The following PLCG2 variants were observed in gnomAD, a reference collection of about 807,000 sequenced individuals.
PLCG2 encodes the protein 1-phosphatidylinositol 4,5-bisphosphate phosphodiesterase gamma-2.
In PLCG2, 69 loss-of-function variants were observed where a neutral mutation model predicts 175.6. That is an observed-to-expected ratio of 0.39 (90% CI 0.32 to 0.48). PLCG2 has a LOEUF of 0.48. Among genes scored for constraint, PLCG2 ranks in the 20% least tolerant of loss-of-function variants. PLCG2 has a pLI of 0.91. For synonymous variants in PLCG2, 827 were observed against 624.0 expected, an observed-to-expected ratio of 1.33 and a Z score of -4.85; for missense variants, 1,798 against 1,650.9, an observed-to-expected ratio of 1.09 and a Z score of -1.54.
At chr16:81,862,562 T>A (rs568721836) in intron 5 of PLCG2, among the ~76,000 whole-genome samples, 1 of 152,278 alleles carries the variant, frequency 6.6e-6, no homozygotes, top group East Asian at 1.9e-4. Context: ...TCCTTTTTTC[T>A]TTTTTCTTTT....
At chr16:81,918,839 C>G (rs1466310613) in intron 19 of PLCG2, among the ~76,000 whole-genome samples, 1 of 151,912 alleles carries the variant, frequency 6.6e-6, no homozygotes, top group East Asian at 1.9e-4. Context: ...GGAGGCTCTT[C>G]TGTTTTGGAT....
chr16:81,870,573 A>G (rs922105146), intron 6 of PLCG2, among the ~76,000 whole-genome samples: 4 of 152,160 alleles, frequency 2.6e-5, no homozygotes. Context: ...CTCTGTGAGT[A>G]TGTTTTCCCA....
intron 3 of PLCG2, chr16:81,857,971 G>T: frequency 2.5e-6 from 1 of 396,032 alleles, no homozygotes; most frequent in Non-Finnish European, 4.7e-6. Context: ...CAATGTCATA[G>T]TGATAGTTCC....
At chr16:81,744,989 A>G (rs1348070384) in intron 1 of PLCG2, among the ~76,000 whole-genome samples, 1 of 152,218 alleles carries the variant, frequency 6.6e-6, no homozygotes, top group Non-Finnish European at 1.5e-5. Context: ...GTCTCATCTT[A>G]ACTCCAACCC....
chr16:81,858,448 A>G lies in PLCG2; in HGVS notation c.431+92A>G, dbSNP rs990621733. 66 of 748,508 alleles carry G rather than the reference A, an allele frequency of 8.8e-5. 1 individual carries two copies. The African/African-American group carries it at 1.0e-3, about 12-fold the overall frequency. The allele number at this position is 748,508 out of a possible 1,614,324, so 46.4% of individuals were successfully genotyped here. On this transcript the variant is annotated intron_variant, in intron 4 of 32. Coordinates refer to ENST00000564138, the MANE Select transcript of PLCG2 (RefSeq NM_002661.5). ...ATGGGCTACAGGGGGGAAAAAAAAA[A>G]AAAGGGACATTGGTTTTTTGAGGCT...
chr16:81,847,202 A>G (rs959767079), intron 2 of PLCG2, among the ~76,000 whole-genome samples: 1 of 152,240 alleles, frequency 6.6e-6, no homozygotes, highest in African/African-American at 2.4e-5. Context: ...GATATTACAA[A>G]AGATAAAGAT....
At position 81,928,583 on chromosome 16, in the gene PLCG2, C is replaced by T. The variant is rs779400707; in HGVS notation, c.2540C>T (p.Ser847Phe). 2.5e-6 allele frequency: 4 copies of T among 1,607,866 alleles called. No individual in the cohort carries two copies. Among genetic ancestry groups the T allele is most frequent in the Non-Finnish European group, 8.5e-7 (1 of 1,174,412 alleles). Residue 847 changes from serine (S) to phenylalanine (F), a missense_variant, in exon 24 of 33, where the codon TCT (serine) becomes TTT (phenylalanine). Ser to Phe is a radical substitution (Grantham distance 155). Transcript: ENST00000564138. ...KQIIEDNPLG[S>F]LCRGILDLNT... is the part of the protein sequence containing the mutation. ...ATTATTGAAGACAATCCCTTAGGGT[C>T]TCTTTGCAGAGGAATATTGGACCTC...
At chr16:81,775,948 C>G (rs560698299), upstream of PLCG2, among the ~76,000 whole-genome samples, 10 of 151,746 alleles carry the variant, frequency 6.6e-5, no homozygotes, top group South Asian at 2.1e-4. Context: ...GGCTCTGACA[C>G]CAGACAGGCT....
In PLCG2 at chr16:81,785,958, C is replaced by G. The variant is rs552409251; in HGVS notation, c.-32C>G. 6.3e-7 allele frequency: 1 copy of G among 1,594,358 alleles called. No individual in the cohort carries two copies. Among genetic ancestry groups the G allele is most frequent in the Non-Finnish European group, 8.6e-7 (1 of 1,166,166 alleles). ...GCCCTTTCAGCTTCCTGATTTCTCC[C>G]GATTCCTTCCTTCTCCCTGGAGCGG... On this transcript the variant is annotated 5_prime_UTR_variant, in exon 2 of 33. Coordinates refer to ENST00000564138, the MANE Select transcript of PLCG2 (RefSeq NM_002661.5).
chr16:81,783,647 G>C (rs1910843651), intron 1 of PLCG2, among the ~76,000 whole-genome samples: 1 of 152,178 alleles, frequency 6.6e-6, no homozygotes, highest in Non-Finnish European at 1.5e-5. Context: ...TTCCCATTGA[G>C]ATAAATGAGA....
intron 2 of PLCG2, among the ~76,000 whole-genome samples, chr16:81,842,150 C>T (rs1905867481): frequency 6.6e-6 from 1 of 152,164 alleles, no homozygotes; most frequent in Non-Finnish European, 1.5e-5. Context: ...GAGCATAAGC[C>T]AGGATTTGAA....
chr16:81,868,438 G>C (rs1270769307), intron 5 of PLCG2, among the ~76,000 whole-genome samples: 1 of 152,178 alleles, frequency 6.6e-6, no homozygotes, highest in Non-Finnish European at 1.5e-5. Flanking sequence ...TCTCTTCACA[G>C]TGTCAGACTA....
At chr16:81,859,333 C>A (rs1041057713) in intron 5 of PLCG2, 170 bp downstream of exon 5, 8 of 563,532 alleles carry the variant, frequency 1.4e-5, no homozygotes, top group Non-Finnish European at 2.6e-5. Flanking sequence ...ACAAAATCCT[C>A]CTCCTGGAGG....
chr16:81,877,968 T>C (rs1907887793), intron 7 of PLCG2, among the ~76,000 whole-genome samples: 1 of 135,904 alleles, frequency 7.4e-6, no homozygotes, highest in Non-Finnish European at 1.5e-5. Context: ...CCTCTTTTTT[T>C]TTTAATTTTT....
At chr16:81,754,183 C>T (rs1323934603) in intron 1 of PLCG2, among the ~76,000 whole-genome samples, 1 of 151,920 alleles carries the variant, frequency 6.6e-6, no homozygotes, top group Non-Finnish European at 1.5e-5. Flanking sequence ...TCTCCACCTC[C>T]ACCTGAGTTG....
At chr16:81,782,653 C>A (rs1003628914) in intron 1 of PLCG2, among the ~76,000 whole-genome samples, 1 of 151,670 alleles carries the variant, frequency 6.6e-6, no homozygotes, top group Admixed American at 6.6e-5. Flanking sequence ...AAGGGCATTT[C>A]GTGAGATACA....
chr16:81,780,077 C>T (rs978914719), intron 1 of PLCG2, among the ~76,000 whole-genome samples: 5 of 152,026 alleles, frequency 3.3e-5, no homozygotes, highest in Admixed American at 1.3e-4. Context: ...CGGGGAGCTC[C>T]TGGATTCCAG....
chr16:81,833,077 G>T (rs990734045), intron 2 of PLCG2, among the ~76,000 whole-genome samples: 3 of 152,176 alleles, frequency 2.0e-5, no homozygotes, highest in African/African-American at 4.8e-5. Context: ...GTCTTGTGGG[G>T]ACTTACAGCC....
chr16:81,906,185 C>G (rs900254421), intron 15 of PLCG2: 2 of 152,188 alleles, frequency 1.3e-5, no homozygotes, highest in African/African-American at 2.4e-5. Context: ...ATTGTTGCCA[C>G]TGTGTTCACT....
Sources: gnomAD v4.1 joint callset for allele counts (sites outside exome capture counted in the v4.1 genomes callset) on GRCh38, gnomAD v4.1.1 for gene constraint, MANE v1.5 for transcripts, NCBI Gene and HGNC (gene_info 2026-07-23, HGNC 2026-07-21) for gene names.